Variants in DHX57 observed in about 807,000 individuals in gnomAD.
The protein encoded by DHX57 is DExH-box helicase 57.
Under a neutral mutation model 156.2 loss-of-function variants are expected in DHX57, and 105 were observed. The ratio of observed to expected loss-of-function variants is 0.67; its 90% CI spans 0.57 to 0.79. The LOEUF is 0.79. DHX57 is among the 30% of genes least tolerant of loss of function. The probability of loss-of-function intolerance (pLI) is 0.00; values close to 1 mark genes in which losing one functional copy is unlikely to be tolerated. For synonymous variants in DHX57, 704 were observed against 595.6 expected, an observed-to-expected ratio of 1.18 and a Z score of -2.65; for missense variants, 1,847 against 1,661.9, an observed-to-expected ratio of 1.11 and a Z score of -1.94.
intron 3 of DHX57, chr2:38,862,589 G>T: frequency 7.0e-6 from 2 of 287,262 alleles, no homozygotes; most frequent in Non-Finnish European, 6.3e-6. Flanking sequence ...AAATACTACT[G>T]GAATGTCCTT....
chr2:38,827,505 A>AG (rs1553326973), intron 14 of DHX57, among the ~76,000 whole-genome samples: 1 of 10,142 alleles, frequency 9.9e-5, no homozygotes, highest in African/African-American at 1.4e-4. Flanking sequence ...AAAAAAAAAA[A>AG]ATATATATAT....
chr2:38,801,595 T>C (rs1669684317), intron 23 of DHX57, among the ~76,000 whole-genome samples: 2 of 150,510 alleles, frequency 1.3e-5, no homozygotes, highest in South Asian at 4.2e-4. Flanking sequence ...TTTGTATTTT[T>C]ATATATTCAT....
At chr2:38,820,896 A>C (rs1207464941) in intron 17 of DHX57, among the ~76,000 whole-genome samples, 1 of 151,558 alleles carries the variant, frequency 6.6e-6, no homozygotes, top group African/African-American at 2.4e-5. Context: ...AAAAAGGCAG[A>C]CTGACACTCT....
rs747367877 is a variant in DHX57 at position 38,843,036 on chromosome 2, T to G, written c.2394A>C (p.Leu798Phe). 3.7e-6 allele frequency: 6 copies of G among 1,614,066 alleles called. No homozygotes were observed. The highest frequency in any genetic ancestry group is 5.1e-6 in the Non-Finnish European group (6 of 1,180,030). Reference protein sequence around the residue: ...SVKDAVPDQQLDFKQLLARYK... With the variant: ...SVKDAVPDQQFDFKQLLARYK... ...AGCGGGCCAGGAGCTGCTTAAAATC[T>G]AACTGTTGATCTGGCACTGCATCTT... is the stretch of plus-strand genomic sequence containing the variant. Residue 798 changes from leucine to phenylalanine, a missense_variant, in exon 12 of 24, where the codon TTA becomes TTC. Coordinates refer to ENST00000457308, the MANE Select transcript of DHX57 (RefSeq NM_198963.3).
intron 9 of DHX57, among the ~76,000 whole-genome samples, chr2:38,851,972 G>T (rs967450733): frequency 1.3e-5 from 2 of 151,962 alleles, no homozygotes; most frequent in African/African-American, 4.8e-5. Flanking sequence ...TCTACAAAAA[G>T]ATTATTTGCC....
Position 38,869,510 on chromosome 2 carries a change from C to T in DHX57, c.-6-1099G>A, listed in dbSNP as rs548622878. On this transcript the variant is annotated intron_variant, in intron 1 of 23. Coordinates refer to ENST00000457308, the MANE Select transcript of DHX57 (RefSeq NM_198963.3). ...AAACTATTGCTTCAAAGAAGCCATA[C>T]TTTGGTTGGATTAGTTTGTAAAGGA... Among the ~76,000 whole-genome samples, 165 of 152,328 alleles carry T rather than the reference C, an allele frequency of 1.1e-3. 5 individuals carry two copies. In the South Asian group the frequency reaches 0.022, roughly 20 times the overall value.
chr2:38,826,640 C>T lies in DHX57; in HGVS notation c.2689G>A (p.Ala897Thr), dbSNP rs762305779. 2 of 1,614,130 alleles carry T rather than the reference C, an allele frequency of 1.2e-6. No homozygotes were observed. Among genetic ancestry groups the T allele is most frequent in the Admixed American group, 1.7e-5 (1 of 60,016 alleles). The part of the protein sequence containing the change: ...HSSLSSEEQQ[A>T]VFVKPPAGVT... ...CCTGCAGGAGGTTTTACAAACACAG[C>T]CTGCTGCTCTTCACTGGATAAAGAT... The change falls in exon 15 of 24, where the codon GCT (alanine) becomes ACT (threonine). Residue 897 changes from alanine to threonine, a missense_variant. Ala to Thr is a moderately conservative substitution (Grantham distance 58, BLOSUM62 0). Coordinates refer to ENST00000457308, the MANE Select transcript of DHX57 (RefSeq NM_198963.3).
intron 1 of DHX57, among the ~76,000 whole-genome samples, chr2:38,870,100 C>T (rs936075978): frequency 6.6e-6 from 1 of 152,032 alleles, no homozygotes; most frequent in Non-Finnish European, 1.5e-5. Context: ...CAACCATAAA[C>T]ATGAACTAGC....
chr2:38,861,571 T>C lies in DHX57; in HGVS notation c.839A>G (p.Tyr280Cys), dbSNP rs1673212767. ...GGATTTGCGGAATCTACTTGTCAGATACTCCAGTTCTAACCCAATGGTCCA... is the reference window on the plus strand; with the variant it reads ...GGATTTGCGGAATCTACTTGTCAGACACTCCAGTTCTAACCCAATGGTCCA... ...RVWTIGLELE[Y>C]LTSRFRKSKP... The change falls in exon 5 of 24, where the codon TAT becomes TGT. Residue 280 changes from tyrosine to cysteine, a missense_variant. Tyr to Cys is a radical substitution (Grantham distance 194, BLOSUM62 -2). Coordinates refer to ENST00000457308, the MANE Select transcript of DHX57 (RefSeq NM_198963.3). 1 of 1,614,248 alleles carries C rather than the reference T, an allele frequency of 6.2e-7. No homozygotes were observed. Among genetic ancestry groups the C allele is most frequent in the Non-Finnish European group, 8.5e-7 (1 of 1,180,046 alleles).
chr2:38,821,238 C>A (rs2148556498), intron 17 of DHX57, among the ~76,000 whole-genome samples: 1 of 152,010 alleles, frequency 6.6e-6, no homozygotes, highest in South Asian at 2.1e-4. Flanking sequence ...AAACTGAGAG[C>A]TATACATGCT....
At chr2:38,858,110 G>A (rs1174727495) in intron 6 of DHX57, among the ~76,000 whole-genome samples, 4 of 152,168 alleles carry the variant, frequency 2.6e-5, no homozygotes, top group Admixed American at 6.5e-5. Flanking sequence ...TGCCCAGGCT[G>A]GAGTACAGTG....
chr2:38,845,447 T>C (rs555764385), intron 11 of DHX57, among the ~76,000 whole-genome samples: 2 of 152,026 alleles, frequency 1.3e-5, no homozygotes, highest in African/African-American at 2.4e-5. Context: ...TAAATGAATA[T>C]GGAATTAGGA....
intron 13 of DHX57, among the ~76,000 whole-genome samples, chr2:38,835,893 G>C (rs374029227): frequency 1.3e-4 from 20 of 152,310 alleles, no homozygotes; most frequent in African/African-American, 4.8e-4. Flanking sequence ...GGGAGATGGT[G>C]GCAGTGGTGA....
Position 38,871,193 on chromosome 2 carries a change from G to C in DHX57, c.-6-2782C>G, listed in dbSNP as rs151067552. 1.5e-3 allele frequency among the ~76,000 whole-genome samples: 225 copies of C among 152,198 alleles called. 1 individual carries two copies. The highest frequency in any genetic ancestry group is 5.0e-3 in the African/African-American group (206 of 41,530). On this transcript the variant is annotated intron_variant, in intron 1 of 23. Transcript: ENST00000457308. ...ATTTGAAAACCAGTACAAAAGTATT[G>C]TCTCTTCTTTTCTCTGAAATGATTT...
At chr2:38,852,343 T>C (rs1672644989) in intron 9 of DHX57, among the ~76,000 whole-genome samples, 1 of 150,584 alleles carries the variant, frequency 6.6e-6, no homozygotes, top group South Asian at 2.1e-4. Context: ...ATCCTTTTTT[T>C]TTTTTTTTTT....
intron 13 of DHX57, among the ~76,000 whole-genome samples, chr2:38,829,283 A>ATTT (rs36057730): frequency 7.4e-6 from 1 of 134,902 alleles, no homozygotes; most frequent in Non-Finnish European, 1.6e-5. Flanking sequence ...TACACTGGCT[A>ATTT]TTTTTTTTTT....
chr2:38,861,608 G>A lies in DHX57; in HGVS notation c.802C>T (p.Gln268Ter), dbSNP rs1673216412. ...AACCCAATGGTCCAGACTCTGTTCT[G>A]AATTCTTTCTATAAATTTTTCTCCA... is the stretch of plus-strand genomic sequence containing the variant. ...ICGEKFIERI[Q>*]NRVWTIGLEL... The change falls in exon 5 of 24, where the codon CAG becomes TAG. Residue 268 changes from glutamine (Q) to a stop codon, truncating the protein, a stop_gained. Coordinates refer to ENST00000457308, the MANE Select transcript of DHX57 (RefSeq NM_198963.3). LOFTEE classifies it high-confidence loss of function. 6.2e-7 allele frequency: 1 copy of A among 1,614,166 alleles called. No homozygotes were observed. Among genetic ancestry groups the A allele is most frequent in the African/African-American group, 1.3e-5 (1 of 75,052 alleles).
chr2:38,816,033 G>A (rs993504394), intron 19 of DHX57: 3 of 434,228 alleles, frequency 6.9e-6, no homozygotes, highest in Non-Finnish European at 1.4e-5. Flanking sequence ...AAGTGCTGCG[G>A]CACTGTCTAC....
intron 13 of DHX57, among the ~76,000 whole-genome samples, chr2:38,836,997 G>C (rs1052369823): frequency 6.6e-6 from 1 of 151,960 alleles, no homozygotes; most frequent in South Asian, 2.1e-4. Flanking sequence ...ACAGGCATGT[G>C]CCACCACGCC....
Sources: gnomAD v4.1 joint callset for allele counts (sites outside exome capture counted in the v4.1 genomes callset) on GRCh38, gnomAD v4.1.1 for gene constraint, MANE v1.5 for transcripts, NCBI Gene and HGNC (gene_info 2026-07-23, HGNC 2026-07-21) for gene names.